The following MAP3K20 variants were observed in gnomAD, a reference collection of about 807,000 sequenced individuals.
MAP3K20 encodes mitogen-activated protein kinase kinase kinase 20.
In MAP3K20, 40 loss-of-function variants were observed where a neutral mutation model predicts 85.7. The observed-to-expected ratio is 0.47, with a 90% confidence interval of 0.36 to 0.61. The LOEUF (loss-of-function observed/expected upper bound fraction) is 0.61. Among genes scored for constraint, MAP3K20 ranks in the 20% least tolerant of loss-of-function variants. The pLI, the probability that MAP3K20 is intolerant of heterozygous loss-of-function variation, is 0.00. For missense variants in MAP3K20, 817 were observed against 961.7 expected (o/e 0.85, Z 1.99); for synonymous variants, 325 against 327.7 (o/e 0.99, Z 0.09).
chr2:173,159,226 G>A (rs1689569995), intron 2 of MAP3K20, among the ~76,000 whole-genome samples: 1 of 152,090 alleles, frequency 6.6e-6, no homozygotes, highest in African/African-American at 2.4e-5. Context: ...ATTTTCTTTG[G>A]GGATAATTTC....
At chr2:173,219,715 G>T (rs1293927760) in intron 11 of MAP3K20, among the ~76,000 whole-genome samples, 1 of 152,120 alleles carries the variant, frequency 6.6e-6, no homozygotes, top group African/African-American at 2.4e-5. Context: ...ACTCCAGGAG[G>T]GTTTTTCCCA....
intron 3 of MAP3K20, among the ~76,000 whole-genome samples, chr2:173,170,624 C>T (rs1307847660): frequency 6.6e-6 from 1 of 151,870 alleles, no homozygotes. Context: ...AAGTATTAGC[C>T]ACATGTTCTC....
chr2:173,220,944 A>G (rs1684227728), intron 11 of MAP3K20, among the ~76,000 whole-genome samples: 1 of 152,138 alleles, frequency 6.6e-6, no homozygotes, highest in Non-Finnish European at 1.5e-5. Context: ...TTTGGTTGTG[A>G]TTTATCCTGT....
At chr2:173,163,664 A>T (rs1027496063) in intron 2 of MAP3K20, among the ~76,000 whole-genome samples, 1 of 152,106 alleles carries the variant, frequency 6.6e-6, no homozygotes, top group African/African-American at 2.4e-5. Context: ...TTTGATGGGC[A>T]TTTAGGTTGA....
intron 11 of MAP3K20, chr2:173,221,845 CT>C: frequency 9.7e-7 from 1 of 1,029,642 alleles, no homozygotes; most frequent in South Asian, 4.6e-5. Flanking sequence ...TTAATGAATA[CT>C]TTTTAGTTTG....
At chr2:173,118,418 T>G (rs960241991) in intron 2 of MAP3K20, among the ~76,000 whole-genome samples, 2 of 152,174 alleles carry the variant, frequency 1.3e-5, no homozygotes, top group Admixed American at 1.3e-4. Context: ...GGGGAACAAT[T>G]TAGAAAGGCA....
intron 2 of MAP3K20, among the ~76,000 whole-genome samples, chr2:173,161,662 G>A (rs1689661436): frequency 6.6e-6 from 1 of 152,142 alleles, no homozygotes. Flanking sequence ...ACACAAGAAG[G>A]GAGAGGAGCA....
chr2:173,091,293 C>A, intron 2 of MAP3K20, 103 bp downstream of exon 2: 1 of 1,177,276 alleles, frequency 8.5e-7, no homozygotes, highest in Non-Finnish European at 1.2e-6. Flanking sequence ...CCTAGCAAGG[C>A]CTTTGGGACT....
At chr2:173,082,792 G>C (rs1167839057) in intron 1 of MAP3K20, among the ~76,000 whole-genome samples, 4 of 152,218 alleles carry the variant, frequency 2.6e-5, no homozygotes, top group South Asian at 2.1e-4. Context: ...AGCCCACGCA[G>C]CGGCCTATGC....
intron 9 of MAP3K20, among the ~76,000 whole-genome samples, chr2:173,209,204 AT>A (rs919590119): frequency 1.9e-4 from 29 of 151,822 alleles, no homozygotes; most frequent in African/African-American, 6.8e-4. Flanking sequence ...TAGTACCTGA[AT>A]TTTTTTTTCT....
intron 16 of MAP3K20, among the ~76,000 whole-genome samples, chr2:173,254,681 T>A (rs1227082167): frequency 6.6e-6 from 1 of 152,194 alleles, no homozygotes; most frequent in Non-Finnish European, 1.5e-5. Context: ...GTGTGTCCAG[T>A]CCAATTCAAT....
intron 2 of MAP3K20, among the ~76,000 whole-genome samples, chr2:173,104,852 A>G (rs534279565): frequency 1.3e-5 from 2 of 152,288 alleles, no homozygotes; most frequent in Non-Finnish European, 2.9e-5. Flanking sequence ...TAAAAACTTG[A>G]AGGAATTAAG....
At chr2:173,179,704 G>GCACACA (rs71018541) in intron 3 of MAP3K20, among the ~76,000 whole-genome samples, 8,938 of 146,098 alleles carry the variant, frequency 0.061, 319 homozygotes, top group Non-Finnish European at 0.083. Flanking sequence ...TAAGGAATGC[G>GCACACA]CACACACACA....
chr2:173,253,986 G>A (rs1263395308), intron 16 of MAP3K20, among the ~76,000 whole-genome samples: 2 of 150,840 alleles, frequency 1.3e-5, no homozygotes, highest in African/African-American at 4.9e-5. Context: ...TGGGAAGATC[G>A]CTTGAGCCCT....
intron 2 of MAP3K20, among the ~76,000 whole-genome samples, chr2:173,167,616 C>A (rs1187944717): frequency 6.6e-6 from 1 of 151,984 alleles, no homozygotes; most frequent in Non-Finnish European, 1.5e-5. Context: ...ATGAGCACAA[C>A]AAGGGGATAG....
intron 16 of MAP3K20, among the ~76,000 whole-genome samples, chr2:173,249,334 A>G (rs2106345892): frequency 6.6e-6 from 1 of 152,360 alleles, no homozygotes; most frequent in South Asian, 2.1e-4. Context: ...GTTGAGAATA[A>G]TCAGCTATAA....
At position 173,190,942 on chromosome 2, in the gene MAP3K20, C is replaced by G. The variant is rs377516200; in HGVS notation, c.444+19C>G. ...ATTGAAGGTAGGACTATTTCTTTTA[C>G]TTAAAAAAATTGTTAATTTCAGATG... On this transcript the variant is annotated intron_variant, in intron 6 of 19. Transcript: ENST00000375213. The G allele has an allele frequency of 5.6e-6, 9 of 1,605,324 alleles. No individual in the cohort carries two copies. Among genetic ancestry groups the G allele is most frequent in the Non-Finnish European group, 7.7e-6 (9 of 1,175,966 alleles).
At position 173,075,865 on chromosome 2, in the gene MAP3K20, G is replaced by C; in HGVS notation, c.-172G>C. 1 of 985,280 alleles carries C rather than the reference G, an allele frequency of 1.0e-6. No homozygotes were observed. The highest frequency in any genetic ancestry group is 1.2e-6 in the Non-Finnish European group (1 of 829,900). 61.0% of individuals were successfully genotyped at this position (985,280 alleles called of 1,614,324 possible). ...GTCTTCCTCATTGGCGCCGTGCAGA[G>C]AGGCGGAATGTTCAACTCCTAACTG... is the stretch of plus-strand genomic sequence containing the variant. On this transcript the variant is annotated 5_prime_UTR_variant, in exon 1 of 20. Coordinates refer to ENST00000375213, the MANE Select transcript of MAP3K20 (RefSeq NM_016653.3).
intron 10 of MAP3K20, chr2:173,212,636 A>G (rs1224459091): frequency 6.6e-6 from 1 of 152,004 alleles, no homozygotes; most frequent in Non-Finnish European, 1.5e-5. Flanking sequence ...TCTACTCACA[A>G]TTTAAAAATT....
Sources: allele counts gnomAD v4.1 joint callset (sites outside exome capture counted in the v4.1 genomes callset), GRCh38; gene constraint gnomAD v4.1.1; transcripts MANE v1.5; gene names NCBI Gene and HGNC (gene_info 2026-07-23, HGNC 2026-07-21).